Variants in KIF13B observed in about 807,000 individuals in gnomAD.
KIF13B encodes the protein kinesin-like protein KIF13B.
A neutral mutation model predicts 222.0 loss-of-function variants in KIF13B; 127 were observed. The ratio of observed to expected loss-of-function variants is 0.57; its 90% CI spans 0.50 to 0.66. The LOEUF (loss-of-function observed/expected upper bound fraction) is 0.66, where lower values mean the gene tolerates loss of function less well. Among genes scored for constraint, KIF13B ranks in the 30% least tolerant of loss-of-function variants. The pLI, the probability that KIF13B is intolerant of heterozygous loss-of-function variation, is 0.00. For synonymous variants in KIF13B, 976 were observed against 919.0 expected, an observed-to-expected ratio of 1.06 and a Z score of -1.12; for missense variants, 2,173 against 2,379.0, an observed-to-expected ratio of 0.91 and a Z score of 1.80.
At chr8:29,226,629 G>A (rs995314355) in intron 2 of KIF13B, among the ~76,000 whole-genome samples, 2 of 152,186 alleles carry the variant, frequency 1.3e-5, no homozygotes, top group Non-Finnish European at 2.9e-5. Context: ...TGGTCAGAAT[G>A]ATTTAACTTA....
At chr8:29,129,080 A>G (rs915282189) in intron 24 of KIF13B, among the ~76,000 whole-genome samples, 3 of 152,158 alleles carry the variant, frequency 2.0e-5, no homozygotes, top group African/African-American at 7.2e-5. Context: ...GGTTTTTGCC[A>G]TCATATAAGA....
Position 29,148,669 on chromosome 8 carries a change from T to A in KIF13B, c.1721A>T (p.Asp574Val). ...GGACACCTCGCTGGAGGAGTCTCCGTCTACATCCAGCTGCTCAGAACTATT... is the reference window on the plus strand; with the variant it reads ...GGACACCTCGCTGGAGGAGTCTCCGACTACATCCAGCTGCTCAGAACTATT... ...NENSSEQLDV[D>V]GDSSSEVSSE... Residue 574 changes from aspartate to valine, a missense_variant, in exon 16 of 40, where the codon GAC becomes GTC. By Grantham distance (152) the Asp-to-Val change is radical (BLOSUM62 -3). This residue lies in a region of KIF13B where 1,480 missense variants were observed against 1,722.8 expected (regional missense o/e 0.86). Coordinates refer to ENST00000524189, the MANE Select transcript of KIF13B (RefSeq NM_015254.4). 1 of 1,612,984 alleles carries A rather than the reference T, an allele frequency of 6.2e-7. No homozygotes were observed. The highest frequency in any genetic ancestry group is 8.5e-7 in the Non-Finnish European group (1 of 1,179,350).
chr8:29,212,291 A>G (rs1022265430), intron 2 of KIF13B, among the ~76,000 whole-genome samples: 11 of 152,204 alleles, frequency 7.2e-5, no homozygotes, highest in African/African-American at 2.7e-4. Flanking sequence ...TCCAAAGTGT[A>G]TATACCACTT....
intron 33 of KIF13B, 139 bp from the exon 34 acceptor site, chr8:29,109,650 C>T (rs941297658): frequency 5.1e-6 from 4 of 777,120 alleles, no homozygotes; most frequent in African/African-American, 3.4e-5. Context: ...GTGATTATTA[C>T]GTACTGCATG....
In KIF13B at chr8:29,132,447, T is replaced by C; in HGVS notation, c.2803A>G (p.Thr935Ala). 2.6e-6 allele frequency: 4 copies of C among 1,539,900 alleles called. No individual in the cohort carries two copies. Among genetic ancestry groups the C allele is most frequent in the Non-Finnish European group, 3.5e-6 (4 of 1,141,450 alleles). ...GAAAGATGCTCGATAAAGTCTTCGG[T>C]GATGTTAACAGAAAACTCCTGAAAC... is the stretch of plus-strand genomic sequence containing the variant. ...DHCNEFSVNI[T>A]EDFIEHLSEG... The change falls in exon 23 of 40, where the codon ACC becomes GCC. Residue 935 changes from threonine to alanine, a missense_variant. This residue lies in a region of KIF13B where 1,480 missense variants were observed against 1,722.8 expected (regional missense o/e 0.86). Transcript: ENST00000524189.
intron 25 of KIF13B, among the ~76,000 whole-genome samples, chr8:29,126,890 T>C (rs549081852): frequency 2.6e-5 from 4 of 152,260 alleles, no homozygotes; most frequent in Admixed American, 6.5e-5. Flanking sequence ...GTGGAATCTA[T>C]GAAGGCTGAG....
chr8:29,109,389 A>G (rs779131492), intron 34 of KIF13B, 45 bp downstream of exon 34: 2 of 1,413,954 alleles, frequency 1.4e-6, no homozygotes, highest in East Asian at 2.3e-5. Flanking sequence ...AGAGGAGAGG[A>G]GAGAAGTCCC....
chr8:29,185,015 G>T (rs1370275640), intron 6 of KIF13B, among the ~76,000 whole-genome samples: 1 of 151,838 alleles, frequency 6.6e-6, no homozygotes, highest in Admixed American at 6.6e-5. Context: ...ACCCAGGCTG[G>T]GGTGCAGTGG....
At chr8:29,246,132 C>A (rs1321776136) in intron 1 of KIF13B, among the ~76,000 whole-genome samples, 1 of 152,186 alleles carries the variant, frequency 6.6e-6, no homozygotes, top group Non-Finnish European at 1.5e-5. Context: ...GTAATCCCAG[C>A]ACTTTGGGAG....
chr8:29,071,660 T>C lies in KIF13B; in HGVS notation c.5178A>G (p.Gln1726=), dbSNP rs1405335143. The change falls in exon 39 of 40, where the codon CAA becomes CAG. Residue 1726 remains glutamine, a synonymous_variant. Transcript: ENST00000524189. This position sits in a 1 kb window ranked among gnomAD's most constrained non-coding sequence, Gnocchi z 4.9. ...GCTCCACGCCGACCCACGTGCCCTC[T>C]TGGAAGTCGGCAGGCCCCACGTATC... ...VVRYVGPADF[Q]EGTWVGVELD... The C allele has an allele frequency of 1.3e-6, 2 of 1,555,420 alleles. No individual in the cohort carries two copies. Among genetic ancestry groups the C allele is most frequent in the East Asian group, 2.4e-5 (1 of 41,074 alleles).
At chr8:29,194,985 C>T (rs757943225) in intron 3 of KIF13B, among the ~76,000 whole-genome samples, 4 of 152,120 alleles carry the variant, frequency 2.6e-5, no homozygotes, top group Non-Finnish European at 4.4e-5. Flanking sequence ...CGGTCGCTCA[C>T]GCCTGTAATC....
chr8:29,069,071 TC>T lies in KIF13B; in HGVS notation c.*1432del, dbSNP rs1426421860. ...TCAAGTCCCTAGAGAACCAGAGCCT[TC>T]CGCAGCGCTTTCTAGATGTTGACTA... is the stretch of plus-strand genomic sequence containing the variant. On this transcript the variant is annotated 3_prime_UTR_variant, in exon 40 of 40. Coordinates refer to ENST00000524189, the MANE Select transcript of KIF13B (RefSeq NM_015254.4). The T allele has an allele frequency of 6.6e-5, 10 of 152,332 alleles. No homozygotes were observed. Among genetic ancestry groups the T allele is most frequent in the African/African-American group, 2.4e-4 (10 of 41,574 alleles). The allele number at this position is 152,332 out of a possible 1,614,324, so 9.4% of individuals were successfully genotyped here.
intron 1 of KIF13B, among the ~76,000 whole-genome samples, chr8:29,258,464 T>G (rs1320844089): frequency 6.6e-6 from 1 of 152,092 alleles, no homozygotes; most frequent in Admixed American, 6.6e-5. Flanking sequence ...CAAAACAGAG[T>G]GCGTGGACCA....
chr8:29,215,717 G>C (rs1242404337), intron 2 of KIF13B, among the ~76,000 whole-genome samples: 1 of 152,104 alleles, frequency 6.6e-6, no homozygotes, highest in Non-Finnish European at 1.5e-5. Flanking sequence ...CCAAGTTTAT[G>C]GTATTTGTCA....
chr8:29,217,187 G>A (rs1814524467), intron 2 of KIF13B, among the ~76,000 whole-genome samples: 1 of 152,124 alleles, frequency 6.6e-6, no homozygotes, highest in Non-Finnish European at 1.5e-5. Context: ...TGTAGAGGAG[G>A]CCTGCAACTG....
At chr8:29,231,335 A>G (rs1815277004) in intron 2 of KIF13B, among the ~76,000 whole-genome samples, 1 of 152,230 alleles carries the variant, frequency 6.6e-6, no homozygotes, top group African/African-American at 2.4e-5. Context: ...TACTACTTAT[A>G]TAACTATATT....
rs917623176 is a variant in KIF13B at position 29,111,172 on chromosome 8, A to T, written c.3931-1102T>A. The stretch of plus-strand genomic sequence containing the variant: ...AAAGAAGGAATCATCCTCATTTCCT[A>T]GATGACAAGAGGAAGACCACACAAT... On this transcript the variant is annotated intron_variant, in intron 32 of 39. Coordinates refer to ENST00000524189, the MANE Select transcript of KIF13B (RefSeq NM_015254.4). 1.2e-4 allele frequency among the ~76,000 whole-genome samples: 19 copies of T among 152,378 alleles called. 1 individual carries two copies. Among genetic ancestry groups the T allele is most frequent in the African/African-American group, 4.6e-4 (19 of 41,596 alleles).
At chr8:29,144,900 G>T (rs1441207871) in intron 18 of KIF13B, among the ~76,000 whole-genome samples, 1 of 152,206 alleles carries the variant, frequency 6.6e-6, no homozygotes, top group Non-Finnish European at 1.5e-5. Flanking sequence ...GCGTTGACAT[G>T]GCTGCCCCAG....
chr8:29,089,719 C>T (rs1029217037), intron 37 of KIF13B, among the ~76,000 whole-genome samples: 2 of 151,756 alleles, frequency 1.3e-5, no homozygotes, highest in African/African-American at 4.8e-5. Context: ...CATGGTGAAA[C>T]CCCGTCTCTA....
Sources: allele counts gnomAD v4.1 joint callset (sites outside exome capture counted in the v4.1 genomes callset), GRCh38; gene constraint gnomAD v4.1.1; regional missense constraint gnomAD v4.1.1; non-coding constraint Gnocchi (gnomAD v3.1); transcripts MANE v1.5; gene names NCBI Gene and HGNC (gene_info 2026-07-23, HGNC 2026-07-21).